RASL12: variants seen among roughly 807,000 people sequenced by gnomAD.
RASL12 encodes the protein ras-like protein family member 12.
RASL12 carries 16 observed loss-of-function variants against 22.9 expected under a neutral mutation model. The ratio of observed to expected loss-of-function variants is 0.70; its 90% confidence interval spans 0.47 to 1.06. The LOEUF is 1.06. Among genes scored for constraint, RASL12 ranks in the 50% least tolerant of loss-of-function variants. The probability of loss-of-function intolerance (pLI) is 0.00; values close to 1 mark genes in which losing one functional copy is unlikely to be tolerated. For synonymous variants in RASL12, 159 were observed against 152.2 expected (o/e 1.04, Z -0.33); for missense variants, 306 against 353.1 (o/e 0.87, Z 1.07).
chr15:65,055,008 T>C lies in RASL12; in HGVS notation c.692A>G (p.Glu231Gly), dbSNP rs1318936874. 6.2e-7 allele frequency: 1 copy of C among 1,614,114 alleles called. No individual in the cohort carries two copies. The highest frequency in any genetic ancestry group is 1.7e-5 in the Admixed American group (1 of 60,004). Residue 231 changes from glutamate (E) to glycine (G), a missense_variant, in exon 5 of 5, where the codon GAG becomes GGG. Transcript: ENST00000220062. ...CTTGGCCTGGGCCACAGTGGGCATC[T>C]CCTTCAGGTTGATGGTGGAGAGCGT... ...FNTLSTINLK[E>G]MPTVAQAKLV...
chr15:65,074,416 C>CA (rs1197492288), intron 1 of RASL12, among the ~76,000 whole-genome samples: 1 of 150,324 alleles, frequency 6.7e-6, no homozygotes, highest in African/African-American at 2.4e-5. Context: ...TTTTTTGAGA[C>CA]AGATCCTCAC....
chr15:65,069,784 T>C (rs889150717), upstream of RASL12, among the ~76,000 whole-genome samples: 3 of 152,200 alleles, frequency 2.0e-5, no homozygotes, highest in Admixed American at 6.5e-5. Context: ...AAGAGACGCC[T>C]TCATGACTCG....
upstream of RASL12, among the ~76,000 whole-genome samples, chr15:65,070,935 G>A (rs137920098): frequency 3.8e-3 from 586 of 152,286 alleles, 2 homozygotes; most frequent in East Asian, 0.011. Context: ...GGTGGCACCA[G>A]CATCAGAGCC....
chr15:65,051,453 T>C, downstream of RASL12: 1 of 1,513,792 alleles, frequency 6.6e-7, no homozygotes, highest in Non-Finnish European at 9.2e-7. Context: ...GCCCCAGCTG[T>C]TAGCGGGCTT....
At position 65,067,725 on chromosome 15, in the gene RASL12, C is replaced by T. The variant is rs1489529739; in HGVS notation, c.103+8G>A. 6.4e-7 allele frequency: 1 copy of T among 1,551,378 alleles called. No homozygotes were observed. Among genetic ancestry groups the T allele is most frequent in the Admixed American group, 1.9e-5 (1 of 53,268 alleles). ...ACTTGGCGGCTCAGGCTCCCCGGCG[C>T]CACTCACCAGACTTGCCAGCCCCGC... On this transcript the variant is annotated splice_region_variant and intron_variant, in intron 1 of 4. Transcript: ENST00000220062.
At chr15:65,075,901 C>T (rs1034217010) in intron 1 of RASL12, among the ~76,000 whole-genome samples, 2 of 152,046 alleles carry the variant, frequency 1.3e-5, no homozygotes, top group African/African-American at 4.8e-5. Context: ...GGTTTGTAAA[C>T]ACACCAATCA....
chr15:65,053,089 C>T, downstream of RASL12: 2 of 1,614,038 alleles, frequency 1.2e-6, no homozygotes, highest in East Asian at 4.5e-5. Context: ...CAAACTTGGC[C>T]CAGGTGGAAC....
At position 65,054,789 on chromosome 15, in the gene RASL12, G is replaced by C. The variant is rs2086703030; in HGVS notation, c.*110C>G. Reference sequence around the variant, plus strand: ...AGTGTAGGGACACTGCTTGGTGCTGGAGGCGGGGTCTGCTGTCCATCAGAC... The same window carrying C: ...AGTGTAGGGACACTGCTTGGTGCTGCAGGCGGGGTCTGCTGTCCATCAGAC... On this transcript the variant is annotated 3_prime_UTR_variant, in exon 5 of 5. Coordinates refer to ENST00000220062, the MANE Select transcript of RASL12 (RefSeq NM_016563.4). 2 of 1,508,316 alleles carry C rather than the reference G, an allele frequency of 1.3e-6. No homozygotes were observed. Among genetic ancestry groups the C allele is most frequent in the South Asian group, 1.3e-5 (1 of 75,328 alleles). The allele number at this position is 1,508,316 out of a possible 1,614,324, so 93.4% of individuals were successfully genotyped here.
At chr15:65,069,078 G>A (rs2140535980), upstream of RASL12, among the ~76,000 whole-genome samples, 1 of 152,316 alleles carries the variant, frequency 6.6e-6, no homozygotes, top group Admixed American at 6.5e-5. Context: ...TCCCGCAGAT[G>A]GTTAACTCAT....
intron 1 of RASL12, 111 bp from the exon 2 acceptor site, chr15:65,065,384 C>T: frequency 1.0e-6 from 1 of 967,222 alleles, no homozygotes; most frequent in Non-Finnish European, 1.6e-6. Flanking sequence ...TGACACCAAG[C>T]TCAGCTCTCC....
In RASL12 at chr15:65,054,227, C is replaced by G; in HGVS notation, c.*672G>C. ...GAATCTGTCTGCTGGTGAAAGAACTCTGGGGCTCCTTATGCTGGACAACCT... is the reference window on the plus strand; with the variant it reads ...GAATCTGTCTGCTGGTGAAAGAACTGTGGGGCTCCTTATGCTGGACAACCT... On this transcript the variant is annotated 3_prime_UTR_variant, in exon 5 of 5. Coordinates refer to ENST00000220062, the MANE Select transcript of RASL12 (RefSeq NM_016563.4). 1 of 985,982 alleles carries G rather than the reference C, an allele frequency of 1.0e-6. No individual in the cohort carries two copies. Among genetic ancestry groups the G allele is most frequent in the Non-Finnish European group, 1.2e-6 (1 of 830,020 alleles). 61.1% of individuals were successfully genotyped at this position (985,982 alleles called of 1,614,324 possible). A position where few individuals can be genotyped will look rare whatever the true frequency, so the allele number is the denominator to read the frequency against.
intron 1 of RASL12, among the ~76,000 whole-genome samples, chr15:65,073,464 C>T (rs1175056712): frequency 2.0e-5 from 3 of 152,088 alleles, no homozygotes; most frequent in Non-Finnish European, 4.4e-5. Flanking sequence ...CAATAGGGTT[C>T]GCCCTCCAAT....
intron 4 of RASL12, among the ~76,000 whole-genome samples, chr15:65,057,752 T>C (rs1456516721): frequency 6.6e-6 from 1 of 152,026 alleles, no homozygotes; most frequent in Non-Finnish European, 1.5e-5. Flanking sequence ...CCTCTCTCCT[T>C]AGAATTGGAA....
the RASL12 span, among the ~76,000 whole-genome samples, chr15:65,047,634 G>C: frequency 6.6e-6 from 1 of 152,194 alleles, no homozygotes; most frequent in Non-Finnish European, 1.5e-5. Context: ...TTACATCTGA[G>C]ACTGGATGGA....
At chr15:65,069,027 G>C (rs2086912488), upstream of RASL12, among the ~76,000 whole-genome samples, 1 of 152,188 alleles carries the variant, frequency 6.6e-6, no homozygotes, top group Non-Finnish European at 1.5e-5. Flanking sequence ...AAAGGCATGG[G>C]AGCCTCAGAG....
downstream of RASL12, chr15:65,049,101 T>C (rs1481003593): frequency 6.6e-6 from 1 of 152,066 alleles, no homozygotes; most frequent in African/African-American, 2.4e-5. Context: ...CTATTTCTTT[T>C]TGTTTTGTAA....
At chr15:65,046,225 C>T in the RASL12 span, among the ~76,000 whole-genome samples, 6 of 152,122 alleles carry the variant, frequency 3.9e-5, no homozygotes, top group Non-Finnish European at 8.8e-5. Flanking sequence ...CACTTGAACT[C>T]GGGAGGCGGA....
At chr15:65,049,571 G>T (rs1427738015), downstream of RASL12, 1 of 153,310 alleles carries the variant, frequency 6.5e-6, no homozygotes, top group Non-Finnish European at 1.5e-5. Context: ...CAACGCGTGG[G>T]CGCGCTGTGG....
chr15:65,051,797 C>A (rs553052950), downstream of RASL12, among the ~76,000 whole-genome samples: 74 of 139,792 alleles, frequency 5.3e-4, no homozygotes, highest in African/African-American at 1.9e-3. Flanking sequence ...CAAAAAACAG[C>A]AACAGTCCCT....
Sources: allele counts gnomAD v4.1 joint callset (sites outside exome capture counted in the v4.1 genomes callset), GRCh38; gene constraint gnomAD v4.1.1; transcripts MANE v1.5; gene names NCBI Gene and HGNC (gene_info 2026-07-23, HGNC 2026-07-21).